Variants in METTL15 observed in about 807,000 individuals in gnomAD.
METTL15 encodes methyltransferase 15, mitochondrial 12S rRNA N4-cytidine.
A neutral mutation model predicts 38.3 loss-of-function variants in METTL15; 34 were observed. That is an observed-to-expected ratio of 0.89 (90% CI 0.68 to 1.18). The LOEUF is 1.18. METTL15 is among the 50% of genes most tolerant of loss of function. The pLI, the probability that METTL15 is intolerant of heterozygous loss-of-function variation, is 0.00. For missense variants in METTL15, 438 were observed against 498.4 expected (o/e 0.88, Z 1.15); for synonymous variants, 162 against 170.9 (o/e 0.95, Z 0.41).
chr11:28,173,824 C>T (rs190204397), intron 3 of METTL15, among the ~76,000 whole-genome samples: 1 of 152,276 alleles, frequency 6.6e-6, no homozygotes, highest in Admixed American at 6.5e-5. Flanking sequence ...TGTATACAAT[C>T]AGGTATTTTG....
chr11:28,460,331 A>G (rs12291265), intron 6 of METTL15, among the ~76,000 whole-genome samples: 2,665 of 152,100 alleles, frequency 0.018, 52 homozygotes, highest in African/African-American at 0.051. Flanking sequence ...GATTTGAAAA[A>G]TCTAACTTTC....
intron 5 of METTL15, among the ~76,000 whole-genome samples, chr11:28,373,651 G>A (rs182858001): frequency 6.6e-4 from 101 of 152,268 alleles, no homozygotes; most frequent in African/African-American, 2.3e-3. Flanking sequence ...TTAATTAGAA[G>A]CAATTTAGTT....
At chr11:28,323,601 T>G (rs1252744688) in intron 6 of METTL15, among the ~76,000 whole-genome samples, 1 of 152,104 alleles carries the variant, frequency 6.6e-6, no homozygotes, top group East Asian at 1.9e-4. Flanking sequence ...AAGAGCAAGG[T>G]CAGGGGATGT....
intron 3 of METTL15, among the ~76,000 whole-genome samples, chr11:28,150,076 G>A (rs1157021886): frequency 1.3e-5 from 2 of 151,970 alleles, no homozygotes; most frequent in Non-Finnish European, 2.9e-5. Flanking sequence ...TGGGCAGGCA[G>A]TCCTAAACTC....
intron 5 of METTL15, among the ~76,000 whole-genome samples, chr11:28,397,470 C>T (rs1850583688): frequency 6.6e-6 from 1 of 152,086 alleles, no homozygotes; most frequent in African/African-American, 2.4e-5. Context: ...TTTATGCAGC[C>T]AAAAGACACA....
intron 6 of METTL15, among the ~76,000 whole-genome samples, chr11:28,451,974 C>T (rs1851127087): frequency 6.6e-6 from 1 of 152,206 alleles, no homozygotes; most frequent in South Asian, 2.1e-4. Flanking sequence ...CTTCAGCCAG[C>T]CCTCTAAGCC....
intron 5 of METTL15, among the ~76,000 whole-genome samples, chr11:28,379,475 G>A (rs1850358309): frequency 6.6e-6 from 1 of 152,054 alleles, no homozygotes; most frequent in Admixed American, 6.6e-5. Context: ...CCATTGATCA[G>A]TCAGGAGCAT....
chr11:28,500,711 G>A (rs1590395689), intron 6 of METTL15, among the ~76,000 whole-genome samples: 1 of 152,000 alleles, frequency 6.6e-6, no homozygotes, highest in African/African-American at 2.4e-5. Flanking sequence ...TTAGTAGAGA[G>A]GGGGTTTCAC....
chr11:28,197,278 C>G lies in METTL15; in HGVS notation c.271-13784C>G, dbSNP rs556278317. On this transcript the variant is annotated intron_variant, in intron 3 of 6. Transcript: ENST00000407364. ...CTTCTGTCAACCAAAGGTTCTATTA[C>G]TGTTTATTCAAATTCAGAAGCCATA... Among the ~76,000 whole-genome samples, 15 of 151,914 alleles carry G rather than the reference C, an allele frequency of 9.9e-5. No homozygotes were observed. In the East Asian group the frequency reaches 2.5e-3, roughly 25 times the overall value.
chr11:28,439,467 A>G (rs1338195849), intron 6 of METTL15, among the ~76,000 whole-genome samples: 2 of 152,228 alleles, frequency 1.3e-5, no homozygotes, highest in Middle Eastern at 3.2e-3. Flanking sequence ...CAAGTAGTCA[A>G]TGCAATTTAG....
intron 5 of METTL15, among the ~76,000 whole-genome samples, chr11:28,367,515 A>G (rs968498080): frequency 2.0e-5 from 3 of 151,914 alleles, no homozygotes; most frequent in African/African-American, 4.8e-5. Context: ...AAAACATTCC[A>G]TGCTCATGGA....
intron 5 of METTL15, among the ~76,000 whole-genome samples, chr11:28,419,791 T>A (rs1850804463): frequency 6.6e-6 from 1 of 152,160 alleles, no homozygotes; most frequent in African/African-American, 2.4e-5. Context: ...GAATTCAGAA[T>A]ATTATCAGAT....
intron 6 of METTL15, among the ~76,000 whole-genome samples, chr11:28,491,664 C>A (rs536105448): frequency 2.0e-5 from 3 of 152,198 alleles, no homozygotes; most frequent in African/African-American, 7.2e-5. Context: ...ACATCTCCAA[C>A]CTTTTCCCAA....
At chr11:28,336,422 T>G (rs959672781), downstream of METTL15, among the ~76,000 whole-genome samples, 1 of 152,122 alleles carries the variant, frequency 6.6e-6, no homozygotes, top group African/African-American at 2.4e-5. Context: ...ATTTGTGAGA[T>G]ATTAGATGGA....
chr11:28,255,562 A>G (rs1050546008), intron 4 of METTL15, among the ~76,000 whole-genome samples: 1 of 152,168 alleles, frequency 6.6e-6, no homozygotes, highest in Non-Finnish European at 1.5e-5. Flanking sequence ...TTCCCCATTC[A>G]GTATGATATT....
chr11:28,270,547 A>T (rs910057154), intron 4 of METTL15, among the ~76,000 whole-genome samples: 1 of 152,154 alleles, frequency 6.6e-6, no homozygotes. Flanking sequence ...AAACAGAACA[A>T]CCAGGGTTAG....
chr11:28,131,460 C>T (rs1849332856), intron 3 of METTL15, among the ~76,000 whole-genome samples: 1 of 146,830 alleles, frequency 6.8e-6, no homozygotes, highest in South Asian at 2.2e-4. Flanking sequence ...TACTTTCTAA[C>T]TAAATTAGCA....
At chr11:28,188,288 T>G (rs1851577962) in intron 3 of METTL15, among the ~76,000 whole-genome samples, 1 of 151,372 alleles carries the variant, frequency 6.6e-6, no homozygotes, top group South Asian at 2.1e-4. Context: ...GATATTTTAA[T>G]ACTCTGACAA....
At chr11:28,408,826 G>A (rs756831453) in intron 5 of METTL15, among the ~76,000 whole-genome samples, 44 of 152,028 alleles carry the variant, frequency 2.9e-4, no homozygotes, top group Middle Eastern at 3.4e-3. Flanking sequence ...AAATTGATCA[G>A]GTATGTATCT....
Sources: allele counts gnomAD v4.1 joint callset (sites outside exome capture counted in the v4.1 genomes callset), GRCh38; gene constraint gnomAD v4.1.1; transcripts MANE v1.5; gene names NCBI Gene and HGNC (gene_info 2026-07-23, HGNC 2026-07-21).